Variants in TRMT6 observed in about 807,000 individuals in gnomAD.
TRMT6 encodes tRNA methyltransferase 6 non-catalytic subunit.
In TRMT6, 34 loss-of-function variants were observed where a neutral mutation model predicts 59.0. That is an observed-to-expected ratio of 0.58 (90% CI 0.44 to 0.77). TRMT6 has a LOEUF of 0.77. Among genes scored for constraint, TRMT6 ranks in the 30% least tolerant of loss-of-function variants. The probability of loss-of-function intolerance (pLI) is 0.00; values close to 1 mark genes in which losing one functional copy is unlikely to be tolerated. For missense variants in TRMT6, 575 were observed against 604.5 expected, an observed-to-expected ratio of 0.95 and a Z score of 0.51; for synonymous variants, 217 against 210.5, an observed-to-expected ratio of 1.03 and a Z score of -0.27.
chr20:5,938,688 A>G lies in TRMT6; in HGVS notation c.1341T>C (p.Ser447=), dbSNP rs1319413066. ...PDRSHPKLLM[S]GGGGYLLSGF... is the part of the protein sequence containing the mutation. ...CGGAGAGAAGATAACCCCCACCTCC[A>G]CTCATCAGCAGTTTAGGATGACTTC... The change falls in exon 11 of 11, where the codon AGT becomes AGC. Residue 447 remains serine (S), a synonymous_variant. Coordinates refer to ENST00000203001, the MANE Select transcript of TRMT6 (RefSeq NM_015939.5). 3 of 1,614,112 alleles carry G rather than the reference A, an allele frequency of 1.9e-6. No homozygotes were observed. Among genetic ancestry groups the G allele is most frequent in the Admixed American group, 1.7e-5 (1 of 60,004 alleles).
chr20:5,944,154 C>T lies in TRMT6; in HGVS notation c.458+8G>A. On this transcript the variant is annotated splice_region_variant and intron_variant, in intron 4 of 10. Coordinates refer to ENST00000203001, the MANE Select transcript of TRMT6 (RefSeq NM_015939.5). Reference sequence around the variant, plus strand: ...TATTGTGGGCCTTTTAAAATAAAAACTACTTACTTTTTTTTCTTCTTTTTA... The same window carrying T: ...TATTGTGGGCCTTTTAAAATAAAAATTACTTACTTTTTTTTCTTCTTTTTA... 1 of 1,455,154 alleles carries T rather than the reference C, an allele frequency of 6.9e-7. No individual in the cohort carries two copies. The highest frequency in any genetic ancestry group is 9.3e-7 in the Non-Finnish European group (1 of 1,077,920). 90.1% of individuals were successfully genotyped at this position (1,455,154 alleles called of 1,614,324 possible).
rs982040006 is a variant in TRMT6 at position 5,941,882 on chromosome 20, G to A, written c.1112+69C>T. Reference sequence around the variant, plus strand: ...GAGTCAAAGCAGACAAGGAGAAAGAGAATGCCAATCTGTCTGAAGCAGAGC... The same window carrying A: ...GAGTCAAAGCAGACAAGGAGAAAGAAAATGCCAATCTGTCTGAAGCAGAGC... On this transcript the variant is annotated intron_variant, in intron 8 of 10. Coordinates refer to ENST00000203001, the MANE Select transcript of TRMT6 (RefSeq NM_015939.5). 1.6e-5 allele frequency: 21 copies of A among 1,301,962 alleles called. 1 individual carries two copies. In the African/African-American group the frequency reaches 2.2e-4, roughly 14 times the overall value. 80.7% of individuals were successfully genotyped at this position (1,301,962 alleles called of 1,614,324 possible).
chr20:5,944,823 G>T lies in TRMT6; in HGVS notation c.348C>A (p.Asp116Glu), dbSNP rs745755561. Reference sequence around the variant, plus strand: ...ATATTACCTCTCCTTTAATGCCCTTGTCCTTCAAAGCTTTTATGTCATCTT... The same window carrying T: ...ATATTACCTCTCCTTTAATGCCCTTTTCCTTCAAAGCTTTTATGTCATCTT... ...LTQDDIKALK[D>E]KGIKGEEIVQ... The change falls in exon 3 of 11, where the codon GAC becomes GAA. Residue 116 changes from aspartate (D) to glutamate (E), a missense_variant. Physicochemically the swap from Asp to Glu is conservative, Grantham distance 45 (BLOSUM62 2). Coordinates refer to ENST00000203001, the MANE Select transcript of TRMT6 (RefSeq NM_015939.5). 1.2e-6 allele frequency: 2 copies of T among 1,612,962 alleles called. No homozygotes were observed. Among genetic ancestry groups the T allele is most frequent in the South Asian group, 2.2e-5 (2 of 91,056 alleles).
chr20:5,939,437 C>T (rs1455204154), intron 10 of TRMT6, among the ~76,000 whole-genome samples: 1 of 147,790 alleles, frequency 6.8e-6, no homozygotes, highest in East Asian at 2.1e-4. Flanking sequence ...GCCAAGATCG[C>T]GCCACTGCAC....
Position 5,942,407 on chromosome 20 carries a change from G to T in TRMT6, c.1026+21C>A, listed in dbSNP as rs765760562. 1.8e-5 allele frequency: 29 copies of T among 1,593,706 alleles called. No homozygotes were observed. In the East Asian group the frequency reaches 6.0e-4, roughly 33 times the overall value. ...GAGGGACTGAGATTATGGGGGTGGTGGGGACTCTTGGCATCCTTACATAAT... is the reference window on the plus strand; with the variant it reads ...GAGGGACTGAGATTATGGGGGTGGTTGGGACTCTTGGCATCCTTACATAAT... On this transcript the variant is annotated intron_variant, in intron 7 of 10. Transcript: ENST00000203001.
intron 6 of TRMT6, among the ~76,000 whole-genome samples, chr20:5,943,257 C>T (rs1259303571): frequency 6.6e-6 from 1 of 152,166 alleles, no homozygotes; most frequent in Non-Finnish European, 1.5e-5. Flanking sequence ...CACCAGCTAC[C>T]CAGGAGTTTA....
At position 5,938,542 on chromosome 20, in the gene TRMT6, T is replaced by C. The variant is rs2088627108; in HGVS notation, c.1487A>G (p.Asp496Gly). 6.2e-7 allele frequency: 1 copy of C among 1,613,642 alleles called. No individual in the cohort carries two copies. The highest frequency in any genetic ancestry group is 1.1e-5 in the South Asian group (1 of 91,062). The change falls in exon 11 of 11, where the codon GAC becomes GGC. Residue 496 changes from aspartate (D) to glycine (G), a missense_variant. Asp to Gly is a moderately conservative substitution (Grantham distance 94). Transcript: ENST00000203001. ...AAKKRKCPES[D>G]S ...GAGCAATTCTCAAAAGGGTTAAGAG[T>C]CAGACTCTGGGCATTTTCGTTTTTT...
In TRMT6 at chr20:5,942,698, A is replaced by G. The variant is rs2088668979; in HGVS notation, c.756T>C (p.Ser252=). ...ACFGFPKSFL[S]GLYEFPLNKV... ...TGTTGAGAGGGAATTCATAAAGACC[A>G]CTGAGAAAAGATTTGGGAAATCCAA... Residue 252 remains serine (S), a synonymous_variant, in exon 7 of 11, where the codon AGT becomes AGC. Coordinates refer to ENST00000203001, the MANE Select transcript of TRMT6 (RefSeq NM_015939.5). The G allele has an allele frequency of 1.2e-6, 2 of 1,614,186 alleles. No individual in the cohort carries two copies. The highest frequency in any genetic ancestry group is 1.7e-6 in the Non-Finnish European group (2 of 1,180,032).
chr20:5,937,728 G>A lies in TRMT6; in HGVS notation c.*807C>T, dbSNP rs2088619680. On this transcript the variant is annotated 3_prime_UTR_variant, in exon 11 of 11. Coordinates refer to ENST00000203001, the MANE Select transcript of TRMT6 (RefSeq NM_015939.5). The stretch of plus-strand genomic sequence containing the variant: ...GTACAATCTATGTCTCCACTTGCAT[G>A]TGTATGTATATATCTGTGTATATAT... The A allele has an allele frequency of 6.6e-6, 1 of 152,164 alleles. No homozygotes were observed. The highest frequency in any genetic ancestry group is 1.5e-5 in the Non-Finnish European group (1 of 68,030). The allele number at this position is 152,164 out of a possible 1,614,324, so 9.4% of individuals were successfully genotyped here. A position where few individuals can be genotyped will look rare whatever the true frequency, so the allele number is the denominator to read the frequency against.
chr20:5,937,233 CCGA>C lies in TRMT6; in HGVS notation c.*1299_*1301del, dbSNP rs1757756799. 6.6e-6 allele frequency: 1 copy of C among 152,252 alleles called. No homozygotes were observed. Among genetic ancestry groups the C allele is most frequent in the Non-Finnish European group, 1.5e-5 (1 of 68,054 alleles). 9.4% of individuals were successfully genotyped at this position (152,252 alleles called of 1,614,324 possible). ...TACAGGCATGAGCCACTGTGCCCGG[CCGA>C]CATTTTTATTCTTTAATAGCAATTA... On this transcript the variant is annotated 3_prime_UTR_variant, in exon 11 of 11. Transcript: ENST00000203001.
Position 5,941,258 on chromosome 20 carries a change from G to A in TRMT6, c.1200C>T (p.Tyr400=). 6.2e-7 allele frequency: 1 copy of A among 1,614,054 alleles called. No individual in the cohort carries two copies. Among genetic ancestry groups the A allele is most frequent in the Non-Finnish European group, 8.5e-7 (1 of 1,179,922 alleles). The change falls in exon 9 of 11, where the codon TAC becomes TAT. Residue 400 remains tyrosine (Y), a synonymous_variant. Transcript: ENST00000203001. The part of the protein sequence containing the change: ...FVAPSRPFVV[Y]CQYKEPLLEC... ...CCAGTATTACCTCTTTGTACTGACA[G>A]TAGACCACAAACGGCCTTGAAGGGG...
intron 2 of TRMT6, among the ~76,000 whole-genome samples, chr20:5,945,333 C>T (rs1046679339): frequency 7.9e-5 from 12 of 152,238 alleles, no homozygotes; most frequent in Admixed American, 7.9e-4. Context: ...CTTGAACACA[C>T]CCAGCAAGGT....
intron 7 of TRMT6, 147 bp downstream of exon 7, chr20:5,942,281 G>A: frequency 1.2e-6 from 1 of 810,862 alleles, no homozygotes; most frequent in South Asian, 1.6e-5. Flanking sequence ...TCACACGTTT[G>A]TATACATGTA....
intron 7 of TRMT6, 26 bp downstream of exon 7, chr20:5,942,402 G>T: frequency 6.3e-7 from 1 of 1,585,116 alleles, no homozygotes; most frequent in Non-Finnish European, 8.7e-7. Flanking sequence ...GATTATGGGG[G>T]TGGTGGGGAC....
chr20:5,944,337 G>T, intron 3 of TRMT6, 84 bp from the exon 4 acceptor site: 1 of 759,244 alleles, frequency 1.3e-6, no homozygotes, highest in Non-Finnish European at 2.1e-6. Flanking sequence ...CCCAAGAATG[G>T]ATCCAATGGT....
chr20:5,938,680 C>T lies in TRMT6; in HGVS notation c.1349G>A (p.Gly450Glu), dbSNP rs759060283. The change falls in exon 11 of 11, where the codon GGG becomes GAG. Residue 450 changes from glycine (G) to glutamate (E), a missense_variant. Gly to Glu is a moderately conservative substitution (Grantham distance 98, BLOSUM62 -2). Transcript: ENST00000203001. ...GGTGAAGCCGGAGAGAAGATAACCCCCACCTCCACTCATCAGCAGTTTAGG... is the reference window on the plus strand; with the variant it reads ...GGTGAAGCCGGAGAGAAGATAACCCTCACCTCCACTCATCAGCAGTTTAGG... Reference protein sequence around the residue: ...SHPKLLMSGGGGYLLSGFTVA... With the variant: ...SHPKLLMSGGEGYLLSGFTVA... The T allele has an allele frequency of 6.2e-7, 1 of 1,614,192 alleles. No individual in the cohort carries two copies. The highest frequency in any genetic ancestry group is 8.5e-7 in the Non-Finnish European group (1 of 1,180,036).
At chr20:5,949,218 T>G (rs1600227972) in intron 1 of TRMT6, among the ~76,000 whole-genome samples, 2 of 149,012 alleles carry the variant, frequency 1.3e-5, no homozygotes, top group Non-Finnish European at 1.5e-5. Flanking sequence ...AAAAAAAGAT[T>G]AGCCGAGTGT....
At position 5,938,934 on chromosome 20, in the gene TRMT6, TTCTC is replaced by T. The variant is rs755622779; in HGVS notation, c.1303-212_1303-209del. On this transcript the variant is annotated intron_variant, in intron 10 of 10. Transcript: ENST00000203001. ...TTCCTTCCTCCCTCCCTTCCTTCCT[TTCTC>T]TCTCTCTCTTTCTTTTTAAGAGGCA... Among the ~76,000 whole-genome samples the T allele has an allele frequency of 5.9e-4, 87 of 146,558 alleles. No homozygotes were observed. The East Asian group carries it at 0.017, about 28-fold the overall frequency.
rs370889786 is a variant in TRMT6 at position 5,944,701 on chromosome 20, C to A, written c.366+104G>T. On this transcript the variant is annotated intron_variant, in intron 3 of 10. Transcript: ENST00000203001. Reference sequence around the variant, plus strand: ...CAACCTATTTCTATCAAAGCTATAACGTTATTTTTTTGTTTTACCTTAGGT... The same window carrying A: ...CAACCTATTTCTATCAAAGCTATAAAGTTATTTTTTTGTTTTACCTTAGGT... 6.9e-6 allele frequency: 5 copies of A among 729,144 alleles called. No individual in the cohort carries two copies. In the East Asian group the frequency reaches 1.3e-4, roughly 18 times the overall value. The allele number at this position is 729,144 out of a possible 1,614,324, so 45.2% of individuals were successfully genotyped here.
Sources: gnomAD v4.1 joint callset for allele counts (sites outside exome capture counted in the v4.1 genomes callset) on GRCh38, gnomAD v4.1.1 for gene constraint, MANE v1.5 for transcripts, NCBI Gene and HGNC (gene_info 2026-07-23, HGNC 2026-07-21) for gene names.